CBX2: variants seen among roughly 807,000 people sequenced by gnomAD.
The protein encoded by CBX2 is chromobox protein homolog 2.
A neutral mutation model predicts 21.0 loss-of-function variants in CBX2; 11 were observed. The observed-to-expected ratio is 0.52, with a 90% CI of 0.33 to 0.87. The LOEUF is 0.87. Ranked by LOEUF, CBX2 falls within the 40% of genes least tolerant of loss-of-function variation. The pLI is 0.02. For synonymous variants in CBX2, 364 were observed against 304.6 expected, an observed-to-expected ratio of 1.19 and a Z score of -2.03; for missense variants, 746 against 724.3, an observed-to-expected ratio of 1.03 and a Z score of -0.34.
chr17:79,781,249 C>T lies in CBX2; in HGVS notation c.183-447C>T, dbSNP rs184487945. Among the ~76,000 whole-genome samples, 469 of 152,260 alleles carry T rather than the reference C, an allele frequency of 3.1e-3. 3 individuals are homozygous for T. The highest frequency in any genetic ancestry group is 0.011 in the African/African-American group (441 of 41,562). On this transcript the variant is annotated intron_variant, in intron 3 of 4. Coordinates refer to ENST00000310942, the MANE Select transcript of CBX2 (RefSeq NM_005189.3). ...GACAGGGCCCACGGTGCTCCTTGCCCGGGTGAGGGTTTTATGCACCAGAAG... is the reference window on the plus strand; with the variant it reads ...GACAGGGCCCACGGTGCTCCTTGCCTGGGTGAGGGTTTTATGCACCAGAAG...
intron 3 of CBX2, 79 bp downstream of exon 3, chr17:79,779,506 T>C: frequency 7.5e-7 from 1 of 1,326,610 alleles, no homozygotes; most frequent in Non-Finnish European, 1.1e-6. Flanking sequence ...GCTGCTCGCC[T>C]GCCGGGAGGC....
Position 79,784,859 on chromosome 17 carries a change from C to G in CBX2, c.1416C>G (p.Asp472Glu), listed in dbSNP as rs781911324. Residue 472 changes from aspartate to glutamate, a missense_variant, in exon 5 of 5, where the codon GAC becomes GAG. This residue lies in a region of CBX2 where 701 missense variants were observed against 650.7 expected (regional missense o/e 1.08). Coordinates refer to ENST00000310942, the MANE Select transcript of CBX2 (RefSeq NM_005189.3). The surrounding 1 kb of genome is among the most constrained non-coding windows in gnomAD (Gnocchi z 5.9). The stretch of plus-strand genomic sequence containing the variant: ...GTAGCAGCTCGGACTCCGACCCCGA[C>G]TCCGCCTCGCCGCCCAGCACTGGAC... ...EESSSSDSDP[D>E]SASPPSTGQN... The G allele has an allele frequency of 5.2e-5, 84 of 1,613,050 alleles. No homozygotes were observed. The South Asian group carries it at 9.1e-4, about 18-fold the overall frequency.
In CBX2 at chr17:79,784,261, G is replaced by A. The variant is rs782725351; in HGVS notation, c.818G>A (p.Arg273Lys). Residue 273 changes from arginine to lysine, a missense_variant, in exon 5 of 5, where the codon AGG becomes AAG. Transcript: ENST00000310942. The surrounding 1 kb of genome is among the most constrained non-coding windows in gnomAD (Gnocchi z 5.9). ...MTQSQAQAAS[R>K]LALKAQATNK... ...CAGAGCCAGGCCCAGGCTGCCAGCA[G>A]GTTGGCGCTGAAGGCCCAGGCCACC... is the stretch of plus-strand genomic sequence containing the variant. 1 of 1,612,992 alleles carries A rather than the reference G, an allele frequency of 6.2e-7. No homozygotes were observed. The highest frequency in any genetic ancestry group is 8.5e-7 in the Non-Finnish European group (1 of 1,179,888).
chr17:79,785,027 C>T lies in CBX2; in HGVS notation c.1584C>T (p.Asn528=). The change falls in exon 5 of 5, where the codon AAC becomes AAT. Residue 528 remains asparagine (N), a synonymous_variant. Coordinates refer to ENST00000310942, the MANE Select transcript of CBX2 (RefSeq NM_005189.3). ...KESPTSVGFF[N]LRHY ...CTCCCACCAGCGTGGGCTTCTTCAA[C>T]CTGAGGCATTACTGAAGCCCCGGCG... is the stretch of plus-strand genomic sequence containing the variant. 3 of 1,600,702 alleles carry T rather than the reference C, an allele frequency of 1.9e-6. No homozygotes were observed. Among genetic ancestry groups the T allele is most frequent in the Non-Finnish European group, 1.7e-6 (2 of 1,179,818 alleles).
chr17:79,782,564 CACTA>C, intron 4 of CBX2: 1 of 989,710 alleles, frequency 1.0e-6, no homozygotes, highest in Non-Finnish European at 1.2e-6. Flanking sequence ...CGAGCTCAGT[CACTA>C]ACTGAACCTG....
In CBX2 at chr17:79,785,338, T is replaced by C. The variant is rs1465149157; in HGVS notation, c.*296T>C. 2.0e-5 allele frequency: 10 copies of C among 507,648 alleles called. No homozygotes were observed. Among genetic ancestry groups the C allele is most frequent in the East Asian group, 3.6e-5 (1 of 28,080 alleles). The allele number at this position is 507,648 out of a possible 1,614,324, so 31.4% of individuals were successfully genotyped here. ...GGTGGCACCTGTGGCTCCAGGTGAC[T>C]GTCTTGAACAGAGCGGGCTTCTTCA... On this transcript the variant is annotated 3_prime_UTR_variant, in exon 5 of 5. Coordinates refer to ENST00000310942, the MANE Select transcript of CBX2 (RefSeq NM_005189.3).
intron 3 of CBX2, among the ~76,000 whole-genome samples, chr17:79,780,474 G>T (rs1257453759): frequency 4.6e-5 from 7 of 152,222 alleles, no homozygotes; most frequent in Non-Finnish European, 8.8e-5. Context: ...CTGTCTGGGT[G>T]CTGTGAGCCT....
chr17:79,782,288 G>A (rs1907283770), intron 4 of CBX2: 17 of 1,532,922 alleles, frequency 1.1e-5, no homozygotes, highest in South Asian at 3.7e-5. Context: ...GTGCCAGGAG[G>A]GGCCTTGGAG....
rs1907581622 is a variant in CBX2, at chr17:79,785,604, C to G, written c.*562C>G. The G allele has an allele frequency of 6.3e-6, 1 of 159,116 alleles. No homozygotes were observed. The highest frequency in any genetic ancestry group is 1.4e-5 in the Non-Finnish European group (1 of 71,816). The allele number at this position is 159,116 out of a possible 1,614,324, so 9.9% of individuals were successfully genotyped here. A position where few individuals can be genotyped will look rare whatever the true frequency, so the allele number is the denominator to read the frequency against. The stretch of plus-strand genomic sequence containing the variant: ...GCAGGGGTGGTCCTGGCTGGCATTG[C>G]CTGAGCCGGCAGTGATGAAGTGGGG... On this transcript the variant is annotated 3_prime_UTR_variant, in exon 5 of 5. Coordinates refer to ENST00000310942, the MANE Select transcript of CBX2 (RefSeq NM_005189.3).
chr17:79,783,087 C>T (rs1354712482), intron 4 of CBX2, among the ~76,000 whole-genome samples: 3 of 152,230 alleles, frequency 2.0e-5, no homozygotes, highest in Non-Finnish European at 4.4e-5. Flanking sequence ...ATACAGTTCC[C>T]TTTGAACGTC....
chr17:79,782,022 C>G, intron 4 of CBX2: 2 of 1,614,048 alleles, frequency 1.2e-6, no homozygotes, highest in Non-Finnish European at 1.7e-6. Context: ...CTCCCAGGGG[C>G]TTCCTGCTTC....
rs192756046 is a variant in CBX2 at position 79,779,775 on chromosome 17, G to A, written c.182+348G>A. The stretch of plus-strand genomic sequence containing the variant: ...TTCTGCTGAGTAATTTGCACATGGC[G>A]CTAACAGAAAACCAGGAGAGCAGGT... On this transcript the variant is annotated intron_variant, in intron 3 of 4. Coordinates refer to ENST00000310942, the MANE Select transcript of CBX2 (RefSeq NM_005189.3). 2.6e-3 allele frequency: 878 copies of A among 338,066 alleles called. 3 individuals are homozygous for A. Among genetic ancestry groups the A allele is most frequent in the Non-Finnish European group, 4.0e-3 (700 of 172,892 alleles). The allele number at this position is 338,066 out of a possible 1,614,324, so 20.9% of individuals were successfully genotyped here. A position where few individuals can be genotyped will look rare whatever the true frequency, so the allele number is the denominator to read the frequency against.
rs941091234 is a variant in CBX2 at position 79,787,432 on chromosome 17, T to G, written c.*2390T>G. The stretch of plus-strand genomic sequence containing the variant: ...ATACCTTACTCCCAGCCACTTTGCC[T>G]TCTTACTGTGTTGTGTGTTTTTCCT... On this transcript the variant is annotated 3_prime_UTR_variant, in exon 5 of 5. Coordinates refer to ENST00000310942, the MANE Select transcript of CBX2 (RefSeq NM_005189.3). 6.5e-6 allele frequency: 1 copy of G among 152,728 alleles called. No homozygotes were observed. The highest frequency in any genetic ancestry group is 1.5e-5 in the Non-Finnish European group (1 of 68,070). 9.5% of individuals were successfully genotyped at this position (152,728 alleles called of 1,614,324 possible).
Position 79,781,690 on chromosome 17 carries a change from C to T in CBX2, c.183-6C>T, listed in dbSNP as rs782798940. 3.1e-6 allele frequency: 5 copies of T among 1,613,248 alleles called. No homozygotes were observed. The highest frequency in any genetic ancestry group is 3.4e-6 in the Non-Finnish European group (4 of 1,179,306). On this transcript the variant is annotated splice_polypyrimidine_tract_variant and splice_region_variant and intron_variant, in intron 3 of 4. Coordinates refer to ENST00000310942, the MANE Select transcript of CBX2 (RefSeq NM_005189.3). ...TCTCCCCCATTAACTAGTGGTGTGC[C>T]TTCAGGGAACATGAGAAGGAGGTGC...
intron 4 of CBX2, among the ~76,000 whole-genome samples, chr17:79,782,780 G>C (rs1328091737): frequency 5.3e-5 from 8 of 152,202 alleles, no homozygotes; most frequent in African/African-American, 1.9e-4. Context: ...CACTCCTGTT[G>C]AAGTTGGGAG....
Position 79,782,172 on chromosome 17 carries a change from G to A in CBX2, c.288+371G>A, listed in dbSNP as rs1207171536. The A allele has an allele frequency of 2.5e-6, 4 of 1,612,454 alleles. No individual in the cohort carries two copies. In the African/African-American group the frequency reaches 4.0e-5, roughly 16 times the overall value. ...TAGGTGCTCATAGGATTGCCGGCTG[G>A]ATGTGACTCAAAAGCCTAAGATTTG... On this transcript the variant is annotated intron_variant, in intron 4 of 4. Coordinates refer to ENST00000310942, the MANE Select transcript of CBX2 (RefSeq NM_005189.3).
At chr17:79,782,044 C>T in intron 4 of CBX2, 1 of 1,614,024 alleles carries the variant, frequency 6.2e-7, no homozygotes, top group Non-Finnish European at 8.5e-7. Context: ...GCCTGTCCTG[C>T]ACGCCTCTCT....
chr17:79,778,202 G>A lies in CBX2; in HGVS notation c.-34G>A. 3 of 1,276,880 alleles carry A rather than the reference G, an allele frequency of 2.3e-6. No homozygotes were observed. Among genetic ancestry groups the A allele is most frequent in the Non-Finnish European group, 9.9e-7 (1 of 1,008,248 alleles). The allele number at this position is 1,276,880 out of a possible 1,614,324, so 79.1% of individuals were successfully genotyped here. A position where few individuals can be genotyped will look rare whatever the true frequency, so the allele number is the denominator to read the frequency against. On this transcript the variant is annotated 5_prime_UTR_variant, in exon 1 of 5. Coordinates refer to ENST00000310942, the MANE Select transcript of CBX2 (RefSeq NM_005189.3). This position sits in a 1 kb window ranked among gnomAD's most constrained non-coding sequence, Gnocchi z 4.8. ...CGGCGGTCCGGGCGGGTGACTGGCG[G>A]CGGGCGCCGCGGTCGGGCTGGCTGC...
chr17:79,784,697 A>C lies in CBX2; in HGVS notation c.1254A>C (p.Ala418=). 1.2e-6 allele frequency: 2 copies of C among 1,611,798 alleles called. No individual in the cohort carries two copies. The highest frequency in any genetic ancestry group is 1.1e-5 in the South Asian group (1 of 90,960). ...AAAGTGAGAAGCTGGCTTCCAGAGC[A>C]GTGGCGCCACCCACCCCTGCCAGCA... is the stretch of plus-strand genomic sequence containing the variant. ...TSKSEKLASR[A]VAPPTPASKR... The change falls in exon 5 of 5, where the codon GCA becomes GCC. Residue 418 remains alanine (A), a synonymous_variant. Transcript: ENST00000310942. This position sits in a 1 kb window ranked among gnomAD's most constrained non-coding sequence, Gnocchi z 5.9.
Sources: allele counts gnomAD v4.1 joint callset (sites outside exome capture counted in the v4.1 genomes callset), GRCh38; gene constraint gnomAD v4.1.1; regional missense constraint gnomAD v4.1.1; non-coding constraint Gnocchi (gnomAD v3.1); transcripts MANE v1.5; gene names NCBI Gene and HGNC (gene_info 2026-07-23, HGNC 2026-07-21).